The following ZGRF1 variants were observed in gnomAD, a reference collection of about 807,000 sequenced individuals.
ZGRF1 encodes zinc finger GRF-type containing 1, also known as 5'-3' DNA helicase ZGRF1.
ZGRF1 carries 196 observed loss-of-function variants against 203.5 expected under a neutral mutation model. That is an observed-to-expected ratio of 0.96 (90% CI 0.86 to 1.08). The LOEUF is 1.08. Among genes scored for constraint, ZGRF1 ranks in the 50% least tolerant of loss-of-function variants. The pLI, the probability that ZGRF1 is intolerant of heterozygous loss-of-function variation, is 0.00. For missense variants in ZGRF1, 2,326 were observed against 2,416.3 expected (o/e 0.96, Z 0.78); for synonymous variants, 809 against 841.3 (o/e 0.96, Z 0.66).
At chr4:112,635,129 CAAA>C (rs34823978) in intron 1 of ZGRF1, among the ~76,000 whole-genome samples, 5 of 89,094 alleles carry the variant, frequency 5.6e-5, no homozygotes, top group Admixed American at 1.3e-4. Flanking sequence ...GACTCCATCT[CAAA>C]AAAAAAAAAA....
At chr4:112,611,677 G>A (rs1391765264) in intron 7 of ZGRF1, among the ~76,000 whole-genome samples, 1 of 152,166 alleles carries the variant, frequency 6.6e-6, no homozygotes, top group African/African-American at 2.4e-5. Context: ...ACTCACAGGA[G>A]CTCCATAAGG....
intron 1 of ZGRF1, among the ~76,000 whole-genome samples, chr4:112,636,490 A>G (rs1396645954): frequency 6.6e-6 from 1 of 152,154 alleles, no homozygotes; most frequent in African/African-American, 2.4e-5. Flanking sequence ...CAACATTGTT[A>G]ACAAACCATC....
At chr4:112,588,632 T>C (rs61036592) in intron 11 of ZGRF1, among the ~76,000 whole-genome samples, 1,867 of 152,308 alleles carry the variant, frequency 0.012, 43 homozygotes, top group African/African-American at 0.041. Flanking sequence ...TAACTATTTG[T>C]TGAATATATA....
At position 112,623,592 on chromosome 4, in the gene ZGRF1, T is replaced by G. The variant is rs111886065; in HGVS notation, c.162+225A>C. Among the ~76,000 whole-genome samples the G allele has an allele frequency of 5.3e-5, 8 of 152,264 alleles. 2 individuals are homozygous for G. Among genetic ancestry groups the G allele is most frequent in the African/African-American group, 1.9e-4 (8 of 41,554 alleles). On this transcript the variant is annotated intron_variant, in intron 4 of 27. Transcript: ENST00000505019. ...AGCAAGTTACTTAACCTTTCTGCACTGCACTCCTAATCTATAAAAATCAGG... is the reference window on the plus strand; with the variant it reads ...AGCAAGTTACTTAACCTTTCTGCACGGCACTCCTAATCTATAAAAATCAGG...
Position 112,578,746 on chromosome 4 carries a change from C to T in ZGRF1, c.4438+2917G>A, listed in dbSNP as rs1343708935. Among the ~76,000 whole-genome samples, 17 of 122,706 alleles carry T rather than the reference C, an allele frequency of 1.4e-4. 3 individuals carry two copies. Among genetic ancestry groups the T allele is most frequent in the South Asian group, 9.2e-4 (3 of 3,258 alleles). 80.5% of individuals were successfully genotyped at this position (122,706 alleles called of 152,430 possible). A position where few individuals can be genotyped will look rare whatever the true frequency, so the allele number is the denominator to read the frequency against. Reference sequence around the variant, plus strand: ...GAAGAAGTTGAATCTCTGAATAGACCAATAACAGGCTCTGAAATTGAGGCA... The same window carrying T: ...GAAGAAGTTGAATCTCTGAATAGACTAATAACAGGCTCTGAAATTGAGGCA... On this transcript the variant is annotated intron_variant, in intron 16 of 27. Coordinates refer to ENST00000505019, the MANE Select transcript of ZGRF1 (RefSeq NM_018392.5).
chr4:112,548,360 G>C lies in ZGRF1; in HGVS notation c.5367C>G (p.Thr1789=). The C allele has an allele frequency of 6.4e-7, 1 of 1,554,370 alleles. No individual in the cohort carries two copies. Residue 1789 remains threonine (T), a synonymous_variant, in exon 23 of 28, where the codon ACC becomes ACG. Transcript: ENST00000505019. The stretch of plus-strand genomic sequence containing the variant: ...TGCATGGGAATGGGCAGGCTGCACA[G>C]GTAACTCCAACTACTCGAACCTTTA... The part of the protein sequence containing the change: ...LLKQVRVVGV[T]CAACPFPCMN...
In ZGRF1 at chr4:112,587,460, A is replaced by G; in HGVS notation, c.3597T>C (p.Ser1199=). The G allele has an allele frequency of 6.2e-7, 1 of 1,613,816 alleles. No individual in the cohort carries two copies. Among genetic ancestry groups the G allele is most frequent in the Non-Finnish European group, 8.5e-7 (1 of 1,179,698 alleles). The part of the protein sequence containing the change: ...SDAVNESSLD[S]VHLQMIKGML... ...TGCCTTTTATCATTTGCAAATGCAC[A>G]GAGTCTAAAGAGCTTTCATTGACAG... Residue 1199 remains serine (S), a synonymous_variant, in exon 12 of 28, where the codon TCT becomes TCC. Transcript: ENST00000505019.
At chr4:112,609,323 G>T (rs1187098391) in intron 8 of ZGRF1, 56 bp downstream of exon 8, 2 of 891,720 alleles carry the variant, frequency 2.2e-6, no homozygotes, top group East Asian at 3.1e-5. Context: ...AAAGTGCTGG[G>T]ATTACAGGCA....
intron 24 of ZGRF1, chr4:112,547,001 T>C (rs1738920851): frequency 4.3e-6 from 1 of 232,350 alleles, no homozygotes; most frequent in South Asian, 1.4e-4. Context: ...GAAGTAGTGC[T>C]CTAGGTAGAT....
chr4:112,547,319 A>G lies in ZGRF1; in HGVS notation c.5564T>C (p.Leu1855Ser). The change falls in exon 24 of 28, where the codon TTG becomes TCG. Residue 1855 changes from leucine (L) to serine (S), a missense_variant. By Grantham distance (145) the Leu-to-Ser change is moderately radical. Transcript: ENST00000505019. The part of the protein sequence containing the change: ...QGSDAAHENG[L>S]EQTLFDRLCL... Reference sequence around the variant, plus strand: ...AAGTCGATCAAAAAGAGTTTGTTCCAATCCATTTTCATGAGCTGCATCAGA... The same window carrying G: ...AAGTCGATCAAAAAGAGTTTGTTCCGATCCATTTTCATGAGCTGCATCAGA... The G allele has an allele frequency of 2.5e-6, 4 of 1,613,590 alleles. No individual in the cohort carries two copies. Among genetic ancestry groups the G allele is most frequent in the Non-Finnish European group, 3.4e-6 (4 of 1,179,754 alleles).
chr4:112,635,681 T>C (rs1048648077), intron 1 of ZGRF1, among the ~76,000 whole-genome samples: 28 of 150,470 alleles, frequency 1.9e-4, no homozygotes, highest in African/African-American at 6.8e-4. Flanking sequence ...TGTAATTATA[T>C]ATATTTATTG....
At position 112,553,979 on chromosome 4, in the gene ZGRF1, C is replaced by G. The variant is rs1367570946; in HGVS notation, c.5202G>C (p.Leu1734Phe). The change falls in exon 22 of 28, where the codon TTG (leucine) becomes TTC (phenylalanine). Residue 1734 changes from leucine to phenylalanine, a missense_variant. By Grantham distance (22) the Leu-to-Phe change is conservative. Coordinates refer to ENST00000505019, the MANE Select transcript of ZGRF1 (RefSeq NM_018392.5). ...CACTTTCATTTTCTGAGCCAGCATG[C>G]AAGCTAAAGAATTATATTAAAACAC... ...KIAKPILPYS[L>F]HAGSENESEQ... is the part of the protein sequence containing the mutation. 6.2e-7 allele frequency: 1 copy of G among 1,605,588 alleles called. No individual in the cohort carries two copies. The highest frequency in any genetic ancestry group is 1.1e-5 in the South Asian group (1 of 88,756).
chr4:112,617,591 T>A lies in ZGRF1; in HGVS notation c.2451A>T (p.Ser817=). The change falls in exon 6 of 28, where the codon TCA becomes TCT. Residue 817 remains serine, a synonymous_variant. Transcript: ENST00000505019. ...TGGTATTTACTAATCCAGAAAGTTC[T>A]GAAGAATTTCTAGGATTCCAGTATT... ...GKQYWNPRNS[S]ELSGLVNTIS... The A allele has an allele frequency of 6.2e-7, 1 of 1,613,958 alleles. No homozygotes were observed. The highest frequency in any genetic ancestry group is 2.2e-5 in the East Asian group (1 of 44,872).
intron 24 of ZGRF1, among the ~76,000 whole-genome samples, chr4:112,546,047 T>C (rs1446012049): frequency 1.6e-5 from 2 of 128,210 alleles, no homozygotes; most frequent in Non-Finnish European, 3.5e-5. Flanking sequence ...GTGATGGTTG[T>C]ACAACATTAT....
intron 19 of ZGRF1, among the ~76,000 whole-genome samples, chr4:112,559,600 C>T (rs1425590681): frequency 1.3e-5 from 2 of 152,174 alleles, no homozygotes; most frequent in Admixed American, 1.3e-4. Flanking sequence ...GAGATAATTA[C>T]AACAATAAAT....
rs17044834 is a variant in ZGRF1 at position 112,585,619 on chromosome 4, G to A, written c.4023C>T (p.Asn1341=). ...YTSLKGEKLK[N]AENNVPSCHH... The stretch of plus-strand genomic sequence containing the variant: ...GGCAGGATGGTACATTATTTTCTGC[G>A]TTTTTCAGTTTCTCTCCCTTCAATG... The change falls in exon 14 of 28, where the codon AAC becomes AAT. Residue 1341 remains asparagine (N), a synonymous_variant. Transcript: ENST00000505019. The A allele has an allele frequency of 2.1e-3, 3,365 of 1,610,662 alleles. 61 individuals carry two copies. The African/African-American group carries it at 0.039, about 19-fold the overall frequency.
Position 112,561,085 on chromosome 4 carries a change from T to A in ZGRF1, c.4698-90A>T, listed in dbSNP as rs779361172. On this transcript the variant is annotated intron_variant, in intron 18 of 27. Transcript: ENST00000505019. ...AATTCATAACTTAGCCATCACTTTG[T>A]AAGCATTACAGAGAACAGTTTTTTA... 5.8e-6 allele frequency: 6 copies of A among 1,043,052 alleles called. No individual in the cohort carries two copies. The South Asian group carries it at 8.6e-5, about 15-fold the overall frequency. 64.6% of individuals were successfully genotyped at this position (1,043,052 alleles called of 1,614,324 possible). A position where few individuals can be genotyped will look rare whatever the true frequency, so the allele number is the denominator to read the frequency against.
intron 7 of ZGRF1, among the ~76,000 whole-genome samples, chr4:112,611,716 C>G (rs574021848): frequency 1.8e-3 from 270 of 152,304 alleles, no homozygotes; most frequent in African/African-American, 6.4e-3. Flanking sequence ...ACAGTGTCAC[C>G]TGACATCTGT....
intron 10 of ZGRF1, among the ~76,000 whole-genome samples, chr4:112,602,313 A>G (rs1002407276): frequency 6.6e-6 from 1 of 152,236 alleles, no homozygotes; most frequent in African/African-American, 2.4e-5. Flanking sequence ...GGAAAATGCA[A>G]ATTAAAACTA....
Sources: gnomAD v4.1 joint callset for allele counts (sites outside exome capture counted in the v4.1 genomes callset) on GRCh38, gnomAD v4.1.1 for gene constraint, MANE v1.5 for transcripts, NCBI Gene and HGNC (gene_info 2026-07-23, HGNC 2026-07-21) for gene names.